The following PPARGC1A variants were observed in gnomAD, a reference collection of about 807,000 sequenced individuals.
PPARGC1A encodes peroxisome proliferator-activated receptor gamma coactivator 1-alpha.
In PPARGC1A, 25 loss-of-function variants were observed where a neutral mutation model predicts 88.7. The ratio of observed to expected loss-of-function variants is 0.28; its 90% CI spans 0.21 to 0.39. PPARGC1A has a LOEUF of 0.39. PPARGC1A is among the 10% of genes least tolerant of loss of function. The pLI is 1.00. For synonymous variants in PPARGC1A, 363 were observed against 355.6 expected (o/e 1.02, Z -0.24); for missense variants, 880 against 968.7 (o/e 0.91, Z 1.22).
the PPARGC1A span, among the ~76,000 whole-genome samples, chr4:24,034,301 C>T: frequency 1.8e-4 from 28 of 152,302 alleles, no homozygotes; most frequent in Middle Eastern, 6.8e-3. Flanking sequence ...AGGACACATA[C>T]ATTAAATGAA....
At chr4:24,260,429 A>T in the PPARGC1A span, among the ~76,000 whole-genome samples, 2 of 152,370 alleles carry the variant, frequency 1.3e-5, no homozygotes, top group South Asian at 2.1e-4. Flanking sequence ...TTGCACATTA[A>T]TAAAACTCAC....
intron 12 of PPARGC1A, 34 bp from the exon 13 acceptor site, chr4:23,795,959 C>T (rs753787634): frequency 2.1e-6 from 3 of 1,455,246 alleles, no homozygotes; most frequent in Non-Finnish European, 2.9e-6. Context: ...TAGATACACA[C>T]TTTGCTGATG....
the PPARGC1A span, among the ~76,000 whole-genome samples, chr4:24,472,262 G>T: frequency 2.0e-5 from 3 of 151,780 alleles, no homozygotes; most frequent in Non-Finnish European, 4.4e-5. The surrounding 1 kb of genome is among the most constrained non-coding windows in gnomAD (Gnocchi z 4.5). Flanking sequence ...GACCCACTTG[G>T]CCCCCCATCC....
At chr4:24,167,870 C>T in the PPARGC1A span, among the ~76,000 whole-genome samples, 1 of 152,194 alleles carries the variant, frequency 6.6e-6, no homozygotes, top group Non-Finnish European at 1.5e-5. Context: ...ACTCTCACCT[C>T]AGCCTCCTGA....
chr4:23,897,048 C>A lies in PPARGC1A; in HGVS notation n.52+2219G>T, dbSNP rs543513722. Among the ~76,000 whole-genome samples, 109 of 152,308 alleles carry A rather than the reference C, an allele frequency of 7.2e-4. 1 individual carries two copies. The highest frequency in any genetic ancestry group is 2.3e-3 in the African/African-American group (95 of 41,560). ...TGGGCAGAAAGCTCATGTTTGGCTT[C>A]TCAAATATCACAAGAGGGGATAACT... On this transcript the variant is annotated intron_variant and non_coding_transcript_variant, in intron 1 of 3. Coordinates refer to the PPARGC1A transcript ENST00000507342.
chr4:24,125,880 C>T, the PPARGC1A span, among the ~76,000 whole-genome samples: 2 of 152,162 alleles, frequency 1.3e-5, no homozygotes, highest in Non-Finnish European at 2.9e-5. Flanking sequence ...CAGGGCTCCT[C>T]GAATAAATAA....
chr4:24,066,903 T>A, the PPARGC1A span, among the ~76,000 whole-genome samples: 1 of 149,368 alleles, frequency 6.7e-6, no homozygotes, highest in African/African-American at 2.5e-5. Flanking sequence ...GAAACCTAGT[T>A]TAAGACAAAT....
At chr4:24,377,097 G>A in the PPARGC1A span, among the ~76,000 whole-genome samples, 8 of 149,838 alleles carry the variant, frequency 5.3e-5, no homozygotes, top group South Asian at 2.1e-4. Context: ...TTTTTTTCAC[G>A]TGAAAAAAAA....
chr4:24,242,313 C>T, the PPARGC1A span, among the ~76,000 whole-genome samples: 3 of 152,198 alleles, frequency 2.0e-5, no homozygotes, highest in East Asian at 1.9e-4. Context: ...GCTACAGCCT[C>T]GTCCTGACGC....
chr4:24,378,479 G>A, the PPARGC1A span, among the ~76,000 whole-genome samples: 6 of 150,540 alleles, frequency 4.0e-5, no homozygotes, highest in African/African-American at 1.5e-4. Context: ...AATAACCATG[G>A]TTAAAAAAAA....
chr4:24,431,886 G>T, the PPARGC1A span, among the ~76,000 whole-genome samples: 1 of 152,140 alleles, frequency 6.6e-6, no homozygotes, highest in South Asian at 2.1e-4. Context: ...GTCAACCAAG[G>T]CAATTGCTTT....
chr4:24,122,478 T>C, the PPARGC1A span, among the ~76,000 whole-genome samples: 1 of 151,034 alleles, frequency 6.6e-6, no homozygotes, highest in Admixed American at 6.6e-5. Context: ...TAAATTTTGC[T>C]TCACTCTTAG....
chr4:24,349,679 C>T, the PPARGC1A span, among the ~76,000 whole-genome samples: 4 of 152,120 alleles, frequency 2.6e-5, no homozygotes, highest in Non-Finnish European at 4.4e-5. Context: ...AAGTCTGTTT[C>T]CAGGTAGAGG....
chr4:23,833,971 C>A (rs1447102039), intron 2 of PPARGC1A, among the ~76,000 whole-genome samples: 1 of 151,998 alleles, frequency 6.6e-6, no homozygotes, highest in Non-Finnish European at 1.5e-5. Context: ...TCAAGGCCAG[C>A]CTGGCCAATG....
chr4:23,988,309 G>A, the PPARGC1A span, among the ~76,000 whole-genome samples: 2 of 151,994 alleles, frequency 1.3e-5, no homozygotes, highest in African/African-American at 4.8e-5. Flanking sequence ...CCCAGTAATA[G>A]GATTGCTGAG....
the PPARGC1A span, among the ~76,000 whole-genome samples, chr4:23,950,901 G>A: frequency 6.6e-6 from 1 of 152,132 alleles, no homozygotes; most frequent in African/African-American, 2.4e-5. Flanking sequence ...CATCTCAGGA[G>A]CCAATTAATC....
At chr4:24,419,352 AGTGTGT>A in the PPARGC1A span, among the ~76,000 whole-genome samples, 1,056 of 138,848 alleles carry the variant, frequency 7.6e-3, 10 homozygotes, top group African/African-American at 0.018. Context: ...CAAATCTTCA[AGTGTGT>A]GTGTGTGTGT....
the PPARGC1A span, among the ~76,000 whole-genome samples, chr4:24,121,358 GGT>G: frequency 2.5e-4 from 38 of 152,184 alleles, no homozygotes; most frequent in African/African-American, 9.2e-4. Flanking sequence ...CATGATCACA[GGT>G]CTCAGGGGTC....
chr4:24,377,956 A>G, the PPARGC1A span, among the ~76,000 whole-genome samples: 1 of 152,198 alleles, frequency 6.6e-6, no homozygotes, highest in African/African-American at 2.4e-5. Context: ...CTTTCTTTGA[A>G]TATGCCACAG....
Sources: allele counts gnomAD v4.1 joint callset (sites outside exome capture counted in the v4.1 genomes callset), GRCh38; gene constraint gnomAD v4.1.1; non-coding constraint Gnocchi (gnomAD v3.1); transcripts MANE v1.5; gene names NCBI Gene and HGNC (gene_info 2026-07-23, HGNC 2026-07-21).